AFG3L2: variants seen among roughly 807,000 people sequenced by gnomAD.
The protein encoded by AFG3L2 is mitochondrial inner membrane m-AAA protease component AFG3L2.
A neutral mutation model predicts 94.5 loss-of-function variants in AFG3L2; 54 were observed. The ratio of observed to expected loss-of-function variants is 0.57; its 90% confidence interval spans 0.46 to 0.72. AFG3L2 has a LOEUF of 0.72. Ranked by LOEUF, AFG3L2 falls within the 30% of genes least tolerant of loss-of-function variation. The probability of loss-of-function intolerance (pLI) is 0.00; values close to 1 mark genes in which losing one functional copy is unlikely to be tolerated. For missense variants in AFG3L2, 754 were observed against 994.9 expected (o/e 0.76, Z 3.26); for synonymous variants, 377 against 365.5 (o/e 1.03, Z -0.36).
Position 12,371,587 on chromosome 18 carries a change from T to C in AFG3L2, c.214+5A>G. On this transcript the variant is annotated splice_donor_5th_base_variant and intron_variant, in intron 2 of 16. Transcript: ENST00000269143. The stretch of plus-strand genomic sequence containing the variant: ...AGAACACTACAGCCACACCTAAGCA[T>C]TTACCTTTTGGGGGTCGAGAACAGA... The C allele has an allele frequency of 6.2e-7, 1 of 1,612,832 alleles. No homozygotes were observed. The highest frequency in any genetic ancestry group is 8.5e-7 in the Non-Finnish European group (1 of 1,179,416).
chr18:12,347,643 C>T (rs1216387404), intron 13 of AFG3L2, among the ~76,000 whole-genome samples: 1 of 151,804 alleles, frequency 6.6e-6, no homozygotes. Flanking sequence ...CTCTGCCTCC[C>T]GGGTTCAAGC....
intron 16 of AFG3L2, 196 bp downstream of exon 16, chr18:12,337,145 G>GT (rs747156026): frequency 3.1e-6 from 2 of 640,356 alleles, no homozygotes; most frequent in Non-Finnish European, 5.6e-6. Context: ...AGCCGGGACA[G>GT]TGTCAACTTC....
chr18:12,363,631 TGATGTTAGTAA>T lies in AFG3L2; in HGVS notation c.627+140_627+150del. 6.0e-6 allele frequency: 4 copies of T among 669,230 alleles called. No homozygotes were observed. In the South Asian group the frequency reaches 7.0e-5, roughly 12 times the overall value. The allele number at this position is 669,230 out of a possible 1,614,324, so 41.5% of individuals were successfully genotyped here. On this transcript the variant is annotated intron_variant, in intron 6 of 16. Transcript: ENST00000269143. ...CCATACACAACATTCCCATTTCCACTGATGTTAGTAAGATCACCCCTGCCACACTGCCCAGT... is the reference window on the plus strand; with the variant it reads ...CCATACACAACATTCCCATTTCCACTGATCACCCCTGCCACACTGCCCAGT...
At chr18:12,349,254 G>C (rs7235237) in intron 12 of AFG3L2, among the ~76,000 whole-genome samples, 101,794 of 152,074 alleles carry the variant, frequency 0.67, 35,672 homozygotes, top group Non-Finnish European at 0.78. Context: ...GTAATAAAAA[G>C]ACAGTGACGA....
chr18:12,365,326 G>A (rs939516678), intron 5 of AFG3L2, among the ~76,000 whole-genome samples: 2 of 152,156 alleles, frequency 1.3e-5, no homozygotes, highest in African/African-American at 2.4e-5. Flanking sequence ...TCAGAAGGAC[G>A]GCTGCAGCCC....
intron 12 of AFG3L2, among the ~76,000 whole-genome samples, chr18:12,349,087 G>A (rs1016772835): frequency 8.6e-5 from 13 of 151,968 alleles, no homozygotes; most frequent in African/African-American, 3.1e-4. Flanking sequence ...TTCATTTTGC[G>A]TTCAGAAGGA....
At position 12,357,372 on chromosome 18, in the gene AFG3L2, A is replaced by C. The variant is rs528788966; in HGVS notation, c.1027-541T>G. On this transcript the variant is annotated intron_variant, in intron 8 of 16. Transcript: ENST00000269143. ...GTTTTTATTTCCACTGACTACCCAC[A>C]AACAGTATCCTCTCTTATTTATAGA... Among the ~76,000 whole-genome samples the C allele has an allele frequency of 1.2e-3, 188 of 152,274 alleles. 1 individual carries two copies. The highest frequency in any genetic ancestry group is 2.0e-3 in the Non-Finnish European group (136 of 68,036).
At chr18:12,333,128 A>C in intron 16 of AFG3L2, among the ~76,000 whole-genome samples, 1 of 85,750 alleles carries the variant, frequency 1.2e-5, no homozygotes, top group East Asian at 2.7e-4. Context: ...AATAGATTAT[A>C]TATATAATAT....
rs1395688147 is a variant in AFG3L2, at chr18:12,348,358, A to G, written c.1578T>C (p.Asn526=). 1 of 1,614,196 alleles carries G rather than the reference A, an allele frequency of 6.2e-7. No homozygotes were observed. The highest frequency in any genetic ancestry group is 8.5e-7 in the Non-Finnish European group (1 of 1,180,028). The change falls in exon 13 of 17, where the codon AAT becomes AAC. Residue 526 remains asparagine (N), a synonymous_variant. Transcript: ENST00000269143. ...FSGADVANVC[N]EAALIAARHL... is the part of the protein sequence containing the mutation. ...GCCTTGCAGCAATCAACGCAGCTTC[A>G]TTACAGACATTAGCAACATCAGCAC...
Position 12,348,367 on chromosome 18 carries a change from A to G in AFG3L2, c.1569T>C (p.Asn523=), listed in dbSNP as rs202091298. ...TPGFSGADVA[N]VCNEAALIAA... ...CAATCAACGCAGCTTCATTACAGAC[A>G]TTAGCAACATCAGCACCTAAAAAAT... Residue 523 remains asparagine (N), a synonymous_variant, in exon 13 of 17, where the codon AAT becomes AAC. Coordinates refer to ENST00000269143, the MANE Select transcript of AFG3L2 (RefSeq NM_006796.3). The G allele has an allele frequency of 6.2e-6, 10 of 1,614,166 alleles. No homozygotes were observed. In the East Asian group the frequency reaches 1.3e-4, roughly 22 times the overall value.
At chr18:12,359,033 G>A in intron 7 of AFG3L2, 90 bp from the exon 8 acceptor site, 2 of 1,514,846 alleles carry the variant, frequency 1.3e-6, no homozygotes, top group Non-Finnish European at 1.8e-6. Flanking sequence ...AATATATATA[G>A]CTACACCAAG....
intron 16 of AFG3L2, among the ~76,000 whole-genome samples, chr18:12,330,280 T>G (rs1800613826): frequency 1.3e-5 from 2 of 149,478 alleles, no homozygotes; most frequent in Non-Finnish European, 3.0e-5. Flanking sequence ...GAGCCAAGAT[T>G]GTGCCACTGC....
chr18:12,372,786 G>C (rs1201878135), intron 1 of AFG3L2, among the ~76,000 whole-genome samples: 1 of 152,152 alleles, frequency 6.6e-6, no homozygotes, highest in Non-Finnish European at 1.5e-5. Context: ...GACACAAAAG[G>C]TCACATATTA....
intron 10 of AFG3L2, 104 bp downstream of exon 10, chr18:12,352,901 G>A (rs1598830246): frequency 6.5e-7 from 1 of 1,530,242 alleles, no homozygotes; most frequent in East Asian, 2.3e-5. Flanking sequence ...GATGCAGTGA[G>A]CCGAAATCAC....
chr18:12,339,188 C>T (rs969404729), intron 15 of AFG3L2, among the ~76,000 whole-genome samples: 6 of 136,266 alleles, frequency 4.4e-5, no homozygotes, highest in African/African-American at 1.7e-4. Context: ...TTGCAGTGTG[C>T]CCAGATGGCG....
intron 8 of AFG3L2, 143 bp downstream of exon 8, chr18:12,358,527 A>C: frequency 9.3e-7 from 1 of 1,071,072 alleles, no homozygotes; most frequent in Non-Finnish European, 1.4e-6. Context: ...ACGATCCTCG[A>C]GTTGGGCAGA....
intron 16 of AFG3L2, among the ~76,000 whole-genome samples, chr18:12,332,939 A>ATATATAATATATATTATATAT (rs1907588396): frequency 8.2e-6 from 1 of 121,470 alleles, no homozygotes; most frequent in Non-Finnish European, 1.6e-5. Flanking sequence ...ATACTATATA[A>ATATATAATATATATTATATAT]CATATAATAT....
intron 1 of AFG3L2, 43 bp downstream of exon 1, chr18:12,376,926 C>T (rs1376249215): frequency 2.2e-6 from 3 of 1,354,000 alleles, no homozygotes; most frequent in Non-Finnish European, 2.9e-6. Flanking sequence ...GGAAGTGGGC[C>T]CGAGGCAGGG....
chr18:12,356,003 TAA>T lies in AFG3L2; in HGVS notation c.1164+689_1164+690del, dbSNP rs1908482236. 2.0e-5 allele frequency among the ~76,000 whole-genome samples: 3 copies of T among 151,878 alleles called. No individual in the cohort carries two copies. The South Asian group carries it at 6.2e-4, about 32-fold the overall frequency. On this transcript the variant is annotated intron_variant, in intron 9 of 16. Coordinates refer to ENST00000269143, the MANE Select transcript of AFG3L2 (RefSeq NM_006796.3). ...TCTTCTTGATGTAATGGAAATGTTGTAAAACTGATTGTGGTGATGGTTGCACA... is the reference window on the plus strand; with the variant it reads ...TCTTCTTGATGTAATGGAAATGTTGTAACTGATTGTGGTGATGGTTGCACA...
Sources: allele counts gnomAD v4.1 joint callset (sites outside exome capture counted in the v4.1 genomes callset), GRCh38; gene constraint gnomAD v4.1.1; transcripts MANE v1.5; gene names NCBI Gene and HGNC (gene_info 2026-07-23, HGNC 2026-07-21).